SHISA9: variants seen among roughly 807,000 people sequenced by gnomAD.
The protein encoded by SHISA9 is shisa family member 9.
In SHISA9, 13 loss-of-function variants were observed where a neutral mutation model predicts 38.0. That is an observed-to-expected ratio of 0.34 (90% CI 0.22 to 0.54). The LOEUF (loss-of-function observed/expected upper bound fraction) is 0.54, where lower values mean the gene tolerates loss of function less well. SHISA9 is among the 20% of genes least tolerant of loss of function. The pLI is 0.91. For missense variants in SHISA9, 538 were observed against 575.8 expected (o/e 0.93, Z 0.67); for synonymous variants, 275 against 242.0 (o/e 1.14, Z -1.27).
Position 12,902,467 on chromosome 16 carries a change from C to G in SHISA9, c.403C>G (p.Pro135Ala). The change falls in exon 1 of 5, where the codon CCC becomes GCC. Residue 135 changes from proline to alanine, a missense_variant. Coordinates refer to ENST00000558583, the MANE Select transcript of SHISA9 (RefSeq NM_001145204.3). ...GCTCTGGCTCAACACCGGCAAGCCC[C>G]CCGCCCGCAAGGACGACCCCTTGCA... ...TPLWLNTGKP[P>A]ARKDDPLHDP... 2 of 1,551,570 alleles carry G rather than the reference C, an allele frequency of 1.3e-6. No individual in the cohort carries two copies. The highest frequency in any genetic ancestry group is 1.7e-6 in the Non-Finnish European group (2 of 1,147,002).
At chr16:13,216,116 G>T (rs2051165398) in intron 4 of SHISA9, among the ~76,000 whole-genome samples, 1 of 150,658 alleles carries the variant, frequency 6.6e-6, no homozygotes, top group South Asian at 2.1e-4. Context: ...GAATCCGGGA[G>T]ATGGAGTTTG....
chr16:13,405,810 T>C, the SHISA9 span, among the ~76,000 whole-genome samples: 2 of 152,148 alleles, frequency 1.3e-5, no homozygotes, highest in Non-Finnish European at 2.9e-5. Context: ...GATTTTATTC[T>C]TTTTTATGGC....
rs2051375867 is a variant in SHISA9 at position 13,235,606 on chromosome 16, G to A, written c.*197G>A. 1.5e-6 allele frequency: 1 copy of A among 649,154 alleles called. No homozygotes were observed. The highest frequency in any genetic ancestry group is 2.4e-5 in the South Asian group (1 of 41,940). 40.2% of individuals were successfully genotyped at this position (649,154 alleles called of 1,614,324 possible). A position where few individuals can be genotyped will look rare whatever the true frequency, so the allele number is the denominator to read the frequency against. On this transcript the variant is annotated 3_prime_UTR_variant, in exon 5 of 5. Transcript: ENST00000558583. ...GCCTGTAACGTGTCGGCGGGCAGCT[G>A]AGAAAGACCGAAGCGTGGACATTCA...
intron 2 of SHISA9, among the ~76,000 whole-genome samples, chr16:13,101,373 G>A (rs777258115): frequency 1.3e-5 from 2 of 152,132 alleles, no homozygotes; most frequent in Non-Finnish European, 2.9e-5. Flanking sequence ...AACATCAAGT[G>A]GTATACCCTA....
At chr16:13,257,579 A>G in the SHISA9 span, among the ~76,000 whole-genome samples, 1 of 152,162 alleles carries the variant, frequency 6.6e-6, no homozygotes, top group East Asian at 1.9e-4. Flanking sequence ...CCCCTTTTGT[A>G]AAGTACGGGA....
chr16:13,531,095 T>TACCTG, the SHISA9 span, among the ~76,000 whole-genome samples: 1 of 152,174 alleles, frequency 6.6e-6, no homozygotes, highest in Non-Finnish European at 1.5e-5. Flanking sequence ...TCAACCTCCA[T>TACCTG]TGAAACTTGC....
intron 2 of SHISA9, among the ~76,000 whole-genome samples, chr16:13,100,108 C>A (rs1005747495): frequency 2.0e-5 from 3 of 152,196 alleles, no homozygotes; most frequent in South Asian, 2.1e-4. Flanking sequence ...GTAGGAATGT[C>A]AGCTCAGTGT....
the SHISA9 span, among the ~76,000 whole-genome samples, chr16:13,497,685 CAAAAAA>C: frequency 0.18 from 18,896 of 106,364 alleles, 1,498 homozygotes; most frequent in Non-Finnish European, 0.24. Context: ...ACTCCGTCTC[CAAAAAA>C]AAAAAAAAAA....
chr16:13,178,532 T>C (rs1483140422), intron 2 of SHISA9, among the ~76,000 whole-genome samples: 1 of 152,064 alleles, frequency 6.6e-6, no homozygotes, highest in African/African-American at 2.4e-5. Context: ...TGAGCCTCAT[T>C]TACAGCCCTC....
intron 2 of SHISA9, among the ~76,000 whole-genome samples, chr16:12,949,376 T>C (rs569898348): frequency 1.3e-5 from 2 of 152,318 alleles, no homozygotes; most frequent in Admixed American, 1.3e-4. Context: ...TATTTTTCCA[T>C]GTCAGTAGTC....
intron 2 of SHISA9, among the ~76,000 whole-genome samples, chr16:12,964,281 A>G (rs961568210): frequency 6.6e-6 from 1 of 152,134 alleles, no homozygotes. Flanking sequence ...TAAATTATCC[A>G]TTGCCTGACC....
chr16:13,064,048 T>C (rs1354304392), intron 2 of SHISA9, among the ~76,000 whole-genome samples: 2 of 152,170 alleles, frequency 1.3e-5, no homozygotes, highest in African/African-American at 4.8e-5. Flanking sequence ...GGACCCACAT[T>C]ATTGCGTCCA....
At chr16:13,491,817 CCTTTTTTTTTTTTTTTTTT>C in the SHISA9 span, among the ~76,000 whole-genome samples, 1 of 46,892 alleles carries the variant, frequency 2.1e-5, no homozygotes, top group Non-Finnish European at 3.9e-5. Context: ...TATTTATTGA[CCTTTTTTTTTTTTTTTTTT>C]TTTTTTTTTT....
chr16:13,252,882 C>A, the SHISA9 span, among the ~76,000 whole-genome samples: 14 of 152,250 alleles, frequency 9.2e-5, no homozygotes, highest in Non-Finnish European at 1.9e-4. Flanking sequence ...GACCCTTGAA[C>A]AACATGGGTT....
chr16:12,909,981 C>A (rs1454238768), intron 1 of SHISA9: 2 of 152,242 alleles, frequency 1.3e-5, no homozygotes, highest in African/African-American at 4.8e-5. Context: ...CTCAGCCTCC[C>A]GAGTAGCTGG....
intron 2 of SHISA9, among the ~76,000 whole-genome samples, chr16:13,110,912 G>C (rs148970766): frequency 6.6e-6 from 1 of 152,174 alleles, no homozygotes; most frequent in Admixed American, 6.5e-5. Context: ...AAAATATTTA[G>C]TACGTGGCTT....
At chr16:13,429,068 A>T in the SHISA9 span, among the ~76,000 whole-genome samples, 1 of 152,246 alleles carries the variant, frequency 6.6e-6, no homozygotes, top group South Asian at 2.1e-4. Context: ...AACCCAGCTA[A>T]ATTTTAGAAA....
the SHISA9 span, among the ~76,000 whole-genome samples, chr16:13,365,533 T>G: frequency 5.4e-5 from 8 of 147,660 alleles, no homozygotes; most frequent in East Asian, 1.6e-3. Flanking sequence ...CTTGGCTCAC[T>G]GCAACCTCCG....
the SHISA9 span, among the ~76,000 whole-genome samples, chr16:13,336,808 C>G: frequency 1.3e-5 from 2 of 152,160 alleles, 1 homozygote; most frequent in South Asian, 4.1e-4. Context: ...GCACAGCTAG[C>G]TTTCCTCACC....
Sources: allele counts gnomAD v4.1 joint callset (sites outside exome capture counted in the v4.1 genomes callset), GRCh38; gene constraint gnomAD v4.1.1; transcripts MANE v1.5; gene names NCBI Gene and HGNC (gene_info 2026-07-23, HGNC 2026-07-21).